The following HSF2 variants were observed in gnomAD, a reference collection of about 807,000 sequenced individuals.
The protein encoded by HSF2 is heat shock factor protein 2.
Under a neutral mutation model 65.0 loss-of-function variants are expected in HSF2, and 21 were observed. The ratio of observed to expected loss-of-function variants is 0.32; its 90% CI spans 0.23 to 0.47. The LOEUF is 0.47. HSF2 is among the 20% of genes least tolerant of loss of function. The pLI, the probability that HSF2 is intolerant of heterozygous loss-of-function variation, is 1.00. For missense variants in HSF2, 499 were observed against 628.1 expected (o/e 0.79, Z 2.20); for synonymous variants, 225 against 219.1 (o/e 1.03, Z -0.24).
At chr6:122,420,937 C>T (rs1285460692) in intron 7 of HSF2, among the ~76,000 whole-genome samples, 1 of 151,570 alleles carries the variant, frequency 6.6e-6, no homozygotes, top group Non-Finnish European at 1.5e-5. Flanking sequence ...GTCTCGAACT[C>T]CCAGACTCAA....
intron 1 of HSF2, among the ~76,000 whole-genome samples, chr6:122,400,097 G>A (rs567284812): frequency 6.6e-6 from 1 of 152,176 alleles, no homozygotes; most frequent in Non-Finnish European, 1.5e-5. Context: ...GCCCCTTAAC[G>A]GTCCGGTCCG....
At chr6:122,430,000 T>G (rs1438470468) in intron 11 of HSF2, among the ~76,000 whole-genome samples, 1 of 152,208 alleles carries the variant, frequency 6.6e-6, no homozygotes, top group African/African-American at 2.4e-5. Flanking sequence ...CAGGTTTTGG[T>G]ATCAGGATGA....
chr6:122,430,136 C>T (rs1419599894), intron 11 of HSF2, among the ~76,000 whole-genome samples: 3 of 152,248 alleles, frequency 2.0e-5, no homozygotes, highest in African/African-American at 7.2e-5. Context: ...CCGTCTGGTC[C>T]TGGCTTTTTT....
At chr6:122,422,353 A>G in intron 8 of HSF2, 55 bp downstream of exon 8, 7 of 1,298,320 alleles carry the variant, frequency 5.4e-6, no homozygotes, top group Non-Finnish European at 6.5e-6. Flanking sequence ...TTCTTATTAC[A>G]GAGTAAAATT....
intron 1 of HSF2, 113 bp downstream of exon 1, chr6:122,399,943 C>T (rs765302101): frequency 1.4e-5 from 11 of 805,414 alleles, no homozygotes; most frequent in Non-Finnish European, 2.1e-5. Context: ...GCGAGGCCCG[C>T]GGTGCGGGGC....
In HSF2 at chr6:122,431,415, A is replaced by ATAT. The variant is rs1554209875; in HGVS notation, c.1231-14_1231-13insATT. ...ATATGAAACAAGTACTTATATATAT[A>ATAT]TTTTTTTCTTTTAGTCTGAGAATAA... is the stretch of plus-strand genomic sequence containing the variant. On this transcript the variant is annotated splice_polypyrimidine_tract_variant and intron_variant, in intron 11 of 12. Coordinates refer to ENST00000368455, the MANE Select transcript of HSF2 (RefSeq NM_004506.4). The ATAT allele has an allele frequency of 2.2e-6, 3 of 1,344,500 alleles. No homozygotes were observed. In the Admixed American group the frequency reaches 6.8e-5, roughly 31 times the overall value. 83.3% of individuals were successfully genotyped at this position (1,344,500 alleles called of 1,614,324 possible). A position where few individuals can be genotyped will look rare whatever the true frequency, so the allele number is the denominator to read the frequency against.
chr6:122,401,975 C>G (rs1036681968), intron 1 of HSF2, among the ~76,000 whole-genome samples: 1 of 152,064 alleles, frequency 6.6e-6, no homozygotes. Context: ...TCACATGTGG[C>G]CAAGGATGGG....
At chr6:122,426,653 T>C (rs1774344636) in intron 10 of HSF2, among the ~76,000 whole-genome samples, 1 of 152,080 alleles carries the variant, frequency 6.6e-6, no homozygotes, top group Non-Finnish European at 1.5e-5. Context: ...AGCCAGGGAA[T>C]TTTATAGGAC....
At chr6:122,400,109 G>T (rs1365576927) in intron 1 of HSF2, among the ~76,000 whole-genome samples, 1 of 152,174 alleles carries the variant, frequency 6.6e-6, no homozygotes, top group African/African-American at 2.4e-5. Flanking sequence ...TCCGGTCCGC[G>T]TTCGGAACCG....
intron 1 of HSF2, among the ~76,000 whole-genome samples, chr6:122,402,154 C>T (rs777015595): frequency 1.3e-5 from 2 of 152,140 alleles, no homozygotes; most frequent in South Asian, 4.1e-4. Flanking sequence ...GATTGGACAC[C>T]CCTACCCTAA....
intron 5 of HSF2, among the ~76,000 whole-genome samples, chr6:122,418,446 A>G (rs1038349175): frequency 1.3e-5 from 2 of 152,178 alleles, no homozygotes; most frequent in African/African-American, 2.4e-5. Flanking sequence ...TATGGGCCAC[A>G]CTTTAAGAAA....
In HSF2 at chr6:122,416,307, CT is replaced by C. The variant is rs778194879; in HGVS notation, c.531+15del. On this transcript the variant is annotated intron_variant, in intron 5 of 12. Transcript: ENST00000368455. ...CAAGTTATTCGAAAGGTAAGAAGCT[CT>C]TTTCCCCAGGACCATAATTTGCATT... is the stretch of plus-strand genomic sequence containing the variant. 4 of 1,596,162 alleles carry C rather than the reference CT, an allele frequency of 2.5e-6. No individual in the cohort carries two copies. In the African/African-American group the frequency reaches 5.4e-5, roughly 21 times the overall value.
intron 3 of HSF2, among the ~76,000 whole-genome samples, 161 bp from the exon 4 acceptor site, chr6:122,413,364 A>C (rs1398727524): frequency 6.6e-6 from 1 of 151,964 alleles, no homozygotes; most frequent in East Asian, 1.9e-4. Flanking sequence ...TCTCCCATTG[A>C]GCTCTGAAGT....
At position 122,432,064 on chromosome 6, in the gene HSF2, G is replaced by GCT; in HGVS notation, c.1456_1457dup (p.Leu487PhefsTer6). 1 of 1,614,100 alleles carries GCT rather than the reference G, an allele frequency of 6.2e-7. No homozygotes were observed. Among genetic ancestry groups the GCT allele is most frequent in the Non-Finnish European group, 8.5e-7 (1 of 1,179,988 alleles). ...TAGATAAACCCATAGAAGTTGATGAGCTTCTGGATAGCAGCCTAGACCCAG... is the reference window on the plus strand; with the variant it reads ...TAGATAAACCCATAGAAGTTGATGAGCTCTTCTGGATAGCAGCCTAGACCCAG... On this transcript the variant is annotated frameshift_variant, in exon 13 of 13. Transcript: ENST00000368455. LOFTEE classifies it high-confidence loss of function.
intron 4 of HSF2, among the ~76,000 whole-genome samples, chr6:122,413,890 A>G (rs1262738093): frequency 1.3e-5 from 2 of 152,192 alleles, no homozygotes; most frequent in Non-Finnish European, 2.9e-5. Flanking sequence ...AAGCGTATCA[A>G]AACAGTTTGA....
At chr6:122,431,387 A>C (rs779694941) in intron 11 of HSF2, 43 bp from the exon 12 acceptor site, 1 of 966,546 alleles carries the variant, frequency 1.0e-6, no homozygotes, top group South Asian at 2.3e-5. Context: ...TCAGAAACAT[A>C]AAATATGAAA....
intron 7 of HSF2, 40 bp downstream of exon 7, chr6:122,420,262 C>G: frequency 6.8e-7 from 1 of 1,475,882 alleles, no homozygotes; most frequent in Non-Finnish European, 9.3e-7. Context: ...TTTATTGTCT[C>G]AGACTAAATT....
Position 122,420,200 on chromosome 6 carries a change from C to G in HSF2, c.659C>G (p.Pro220Arg). The G allele has an allele frequency of 6.2e-7, 1 of 1,600,470 alleles. No homozygotes were observed. Among genetic ancestry groups the G allele is most frequent in the South Asian group, 1.1e-5 (1 of 90,306 alleles). The change falls in exon 7 of 13, where the codon CCA becomes CGA. Residue 220 changes from proline (P) to arginine (R), a missense_variant. Around this residue, in one of 2 missense-constraint regions of HSF2, gnomAD observed 349 missense variants for 393.5 expected, o/e 0.89. Coordinates refer to ENST00000368455, the MANE Select transcript of HSF2 (RefSeq NM_004506.4). The stretch of plus-strand genomic sequence containing the variant: ...CTGTTTCAGCACATAGTCAAAGAAC[C>G]AACTGATAATCATCATCATAAAGTA... ...KNLFQHIVKE[P>R]TDNHHHKVPH... is the part of the protein sequence containing the mutation.
intron 5 of HSF2, among the ~76,000 whole-genome samples, chr6:122,418,070 A>G (rs915642997): frequency 6.6e-6 from 1 of 152,210 alleles, no homozygotes; most frequent in Non-Finnish European, 1.5e-5. Flanking sequence ...TGTACAATAG[A>G]TATTTTTAAT....
Sources: gnomAD v4.1 joint callset for allele counts (sites outside exome capture counted in the v4.1 genomes callset) on GRCh38, gnomAD v4.1.1 for gene constraint, gnomAD v4.1.1 regional missense constraint, MANE v1.5 for transcripts, NCBI Gene and HGNC (gene_info 2026-07-23, HGNC 2026-07-21) for gene names.